Variants in CNBD2 observed in about 807,000 individuals in gnomAD.
CNBD2 encodes cyclic nucleotide-binding domain-containing protein 2.
CNBD2 carries 64 observed loss-of-function variants against 63.7 expected under a neutral mutation model. The ratio of observed to expected loss-of-function variants is 1.00; its 90% CI spans 0.82 to 1.24. The LOEUF (loss-of-function observed/expected upper bound fraction) is 1.24. Ranked by LOEUF, CNBD2 falls within the 50% of genes most tolerant of loss-of-function variation. CNBD2 has a pLI of 0.00. For synonymous variants in CNBD2, 229 were observed against 255.4 expected (o/e 0.90, Z 0.99); for missense variants, 691 against 713.5 (o/e 0.97, Z 0.36).
chr20:35,977,367 C>T (rs990181478), intron 3 of CNBD2, among the ~76,000 whole-genome samples: 8 of 152,262 alleles, frequency 5.3e-5, no homozygotes, highest in East Asian at 3.9e-4. Context: ...GCTGGAGGCT[C>T]ATTTTAAAAA....
At chr20:35,997,202 T>C (rs1045583208) in intron 8 of CNBD2, among the ~76,000 whole-genome samples, 1 of 152,188 alleles carries the variant, frequency 6.6e-6, no homozygotes, top group Non-Finnish European at 1.5e-5. Flanking sequence ...GTGGCTCAGA[T>C]GTCTTATCTC....
chr20:36,014,971 T>C (rs1286074661), intron 10 of CNBD2, among the ~76,000 whole-genome samples: 1 of 152,144 alleles, frequency 6.6e-6, no homozygotes, highest in East Asian at 1.9e-4. Context: ...CTAATTTATA[T>C]TCCCACCAAT....
chr20:35,967,925 G>A (rs1343706778), upstream of CNBD2, among the ~76,000 whole-genome samples: 3 of 152,140 alleles, frequency 2.0e-5, no homozygotes, highest in African/African-American at 7.2e-5. Context: ...AGAGTTCTTG[G>A]CTTTGCCCAA....
At chr20:36,026,050 G>A (rs2057279132) in intron 11 of CNBD2, among the ~76,000 whole-genome samples, 1 of 151,826 alleles carries the variant, frequency 6.6e-6, no homozygotes, top group Non-Finnish European at 1.5e-5. Flanking sequence ...GTGTGTGTGT[G>A]AGAGATGGGG....
rs538251895 is a variant in CNBD2 at position 36,020,855 on chromosome 20, G to A, written c.1270-2747G>A. 3.3e-5 allele frequency among the ~76,000 whole-genome samples: 5 copies of A among 152,248 alleles called. No homozygotes were observed. In the South Asian group the frequency reaches 1.0e-3, roughly 32 times the overall value. On this transcript the variant is annotated intron_variant, in intron 10 of 11. Transcript: ENST00000373973. ...ACTCTCACATGTGCCATCTCGTGTA[G>A]ACCCTCAGCAGCTTCAGAGGAAAGG...
chr20:36,011,215 G>GT lies in CNBD2; in HGVS notation c.1227_1228insT (p.Ala410CysfsTer25). On this transcript the variant is annotated frameshift_variant, in exon 10 of 12. Transcript: ENST00000373973. LOFTEE classifies it high-confidence loss of function. Reference sequence around the variant, plus strand: ...AGCTCCCCAAGGAGGCTGCAGTGGGGGCCTACGTGAAGGTGCACACTGTGG... The same window carrying GT: ...AGCTCCCCAAGGAGGCTGCAGTGGGGTGCCTACGTGAAGGTGCACACTGTGG... The GT allele has an allele frequency of 1.3e-6, 2 of 1,594,702 alleles. No individual in the cohort carries two copies. Among genetic ancestry groups the GT allele is most frequent in the South Asian group, 2.3e-5 (2 of 87,980 alleles).
downstream of CNBD2, among the ~76,000 whole-genome samples, chr20:35,958,562 C>T (rs1307609810): frequency 3.9e-5 from 6 of 152,168 alleles, no homozygotes; most frequent in Non-Finnish European, 8.8e-5. Flanking sequence ...AACTATAGTA[C>T]AATATCAAAA....
chr20:35,965,623 TAC>T (rs1166342204), upstream of CNBD2, among the ~76,000 whole-genome samples: 1 of 152,234 alleles, frequency 6.6e-6, no homozygotes, highest in Non-Finnish European at 1.5e-5. Flanking sequence ...CTGTAATAGT[TAC>T]AGTTATAAAA....
upstream of CNBD2, among the ~76,000 whole-genome samples, chr20:35,964,019 A>T (rs1282296354): frequency 6.6e-6 from 1 of 152,246 alleles, no homozygotes; most frequent in Non-Finnish European, 1.5e-5. Flanking sequence ...TGCAGGTCAA[A>T]TAAAACAGTC....
chr20:36,018,856 C>A (rs1424838408), intron 10 of CNBD2, among the ~76,000 whole-genome samples: 3 of 152,212 alleles, frequency 2.0e-5, no homozygotes, highest in Non-Finnish European at 4.4e-5. Context: ...TGGCCACGGG[C>A]AAATCACTTT....
At chr20:35,975,585 C>T (rs561769608) in intron 2 of CNBD2, among the ~76,000 whole-genome samples, 256 of 152,274 alleles carry the variant, frequency 1.7e-3, no homozygotes, top group South Asian at 3.1e-3. Flanking sequence ...CAGGCGTGAG[C>T]CACCGCGCCC....
upstream of CNBD2, among the ~76,000 whole-genome samples, chr20:35,968,151 C>G (rs538489888): frequency 2.6e-5 from 4 of 152,300 alleles, no homozygotes; most frequent in East Asian, 7.7e-4. Context: ...CACTTTCAAT[C>G]ACATGCAAAT....
At chr20:35,969,659 G>A (rs1251876718) in intron 1 of CNBD2, among the ~76,000 whole-genome samples, 1 of 152,106 alleles carries the variant, frequency 6.6e-6, no homozygotes, top group Non-Finnish European at 1.5e-5. Context: ...CACAGACTTA[G>A]TGCTGTGTTC....
At chr20:35,965,558 T>G (rs1030406152), upstream of CNBD2, among the ~76,000 whole-genome samples, 1 of 152,216 alleles carries the variant, frequency 6.6e-6, no homozygotes, top group Non-Finnish European at 1.5e-5. Flanking sequence ...AGTAGTTAAG[T>G]GACTTACCTA....
At chr20:35,980,714 C>A in intron 4 of CNBD2, 92 bp downstream of exon 4, 1 of 1,191,320 alleles carries the variant, frequency 8.4e-7, no homozygotes, top group Non-Finnish European at 1.2e-6. Context: ...CTGCCCACCC[C>A]TCTGCATAAT....
chr20:35,994,671 T>C (rs927719381), intron 7 of CNBD2, among the ~76,000 whole-genome samples: 7 of 150,854 alleles, frequency 4.6e-5, no homozygotes, highest in Non-Finnish European at 8.8e-5. Flanking sequence ...GGCAGATTGC[T>C]TGAGGTCAGG....
In CNBD2 at chr20:36,023,727, C is replaced by T. The variant is rs776597449; in HGVS notation, c.1395C>T (p.Asp465=). 6.8e-6 allele frequency: 11 copies of T among 1,612,912 alleles called. No individual in the cohort carries two copies. In the East Asian group the frequency reaches 1.1e-4, roughly 16 times the overall value. The part of the protein sequence containing the change: ...EIFYELIDND[D]EMIKKLLKLN... ...TTTATGAACTGATTGACAATGATGA[C>T]GAGATGATAAAAAAGTTGTTAAAGC... The change falls in exon 11 of 12, where the codon GAC becomes GAT. Residue 465 remains aspartate, a synonymous_variant. Transcript: ENST00000373973.
intron 2 of CNBD2, among the ~76,000 whole-genome samples, chr20:35,963,439 G>A (rs982849005): frequency 1.3e-5 from 2 of 150,964 alleles, no homozygotes; most frequent in Admixed American, 6.6e-5. Context: ...TCAGGAGTTC[G>A]AGACCAGCCT....
intron 11 of CNBD2, among the ~76,000 whole-genome samples, chr20:36,025,142 T>G (rs775448612): frequency 2.4e-4 from 36 of 152,138 alleles, no homozygotes; most frequent in Non-Finnish European, 4.7e-4. Context: ...ATGGGTGATA[T>G]AATGATACTG....
Sources: allele counts gnomAD v4.1 joint callset (sites outside exome capture counted in the v4.1 genomes callset), GRCh38; gene constraint gnomAD v4.1.1; transcripts MANE v1.5; gene names NCBI Gene and HGNC (gene_info 2026-07-23, HGNC 2026-07-21).